The following NSMCE2 variants were observed in gnomAD, a reference collection of about 807,000 sequenced individuals.
NSMCE2 encodes the protein NSE2 SUMO ligase component of SMC5/6 complex.
In NSMCE2, 24 loss-of-function variants were observed where a neutral mutation model predicts 23.8. The ratio of observed to expected loss-of-function variants is 1.01; its 90% CI spans 0.73 to 1.42. The LOEUF is 1.42. NSMCE2 is among the 40% of genes most tolerant of loss of function. NSMCE2 has a pLI of 0.00. For synonymous variants in NSMCE2, 92 were observed against 94.1 expected (o/e 0.98, Z 0.13); for missense variants, 284 against 296.5 (o/e 0.96, Z 0.31).
chr8:125,304,829 A>G lies in NSMCE2; in HGVS notation c.419-52390A>G, dbSNP rs112489433. On this transcript the variant is annotated intron_variant, in intron 5 of 7. Coordinates refer to ENST00000287437, the MANE Select transcript of NSMCE2 (RefSeq NM_173685.4). ...CTTGAACCCTGGAGGCAGAGGTTAC[A>G]GTGAGCTGAGATCGTGCCACCTCAT... Among the ~76,000 whole-genome samples the G allele has an allele frequency of 9.1e-3, 1,380 of 151,308 alleles. 27 individuals are homozygous for G. Among genetic ancestry groups the G allele is most frequent in the African/African-American group, 0.03 (1,250 of 41,238 alleles).
At chr8:125,341,843 A>G (rs562545180) in intron 5 of NSMCE2, among the ~76,000 whole-genome samples, 2 of 146,172 alleles carry the variant, frequency 1.4e-5, no homozygotes, top group African/African-American at 2.5e-5. Context: ...TGAAGCCACC[A>G]AGGACCCTTT....
chr8:125,358,274 A>C (rs1245571974), intron 7 of NSMCE2, among the ~76,000 whole-genome samples: 1 of 151,828 alleles, frequency 6.6e-6, no homozygotes, highest in Non-Finnish European at 1.5e-5. Flanking sequence ...CAGAGGTTGC[A>C]GTGAGCCGAG....
intron 5 of NSMCE2, among the ~76,000 whole-genome samples, chr8:125,234,472 T>A (rs1229602590): frequency 1.3e-5 from 2 of 152,226 alleles, no homozygotes; most frequent in East Asian, 1.9e-4. Context: ...GAATCTTTCT[T>A]GCTCTGTAAT....
chr8:125,195,197 A>G (rs1430167405), intron 5 of NSMCE2, among the ~76,000 whole-genome samples: 2 of 152,094 alleles, frequency 1.3e-5, no homozygotes, highest in Non-Finnish European at 2.9e-5. Flanking sequence ...GTCAATATCA[A>G]CTGTGAACAT....
intron 5 of NSMCE2, among the ~76,000 whole-genome samples, chr8:125,277,051 A>G (rs1423444163): frequency 6.6e-6 from 1 of 152,206 alleles, no homozygotes; most frequent in Non-Finnish European, 1.5e-5. Context: ...TCTGCCTTGT[A>G]TCCTGTACTC....
intron 5 of NSMCE2, among the ~76,000 whole-genome samples, chr8:125,349,383 C>A (rs2891678): frequency 0.43 from 64,732 of 152,058 alleles, 16,648 homozygotes; most frequent in East Asian, 0.55. Flanking sequence ...GCATTTCAAG[C>A]AGGCAACAAA....
chr8:125,170,372 ATTTCTTTTTTTTTTTTTTT>A (rs1822122550), intron 4 of NSMCE2, among the ~76,000 whole-genome samples: 1 of 24,620 alleles, frequency 4.1e-5, no homozygotes, highest in Non-Finnish European at 9.4e-5. Flanking sequence ...CTTACTCTTT[ATTTCTTTTTTTTTTTTTTT>A]TTTTTTTTTT....
intron 5 of NSMCE2, 139 bp downstream of exon 5, chr8:125,182,395 T>C: frequency 2.7e-6 from 2 of 737,858 alleles, no homozygotes; most frequent in East Asian, 5.3e-5. Flanking sequence ...TTTATTGTTG[T>C]TGCAATTCTG....
intron 5 of NSMCE2, among the ~76,000 whole-genome samples, chr8:125,349,631 T>C (rs76618080): frequency 0.032 from 4,790 of 151,734 alleles, 158 homozygotes; most frequent in South Asian, 0.17. Flanking sequence ...TCCAGCCTAA[T>C]TGAAAAAGTA....
chr8:125,357,649 C>A, intron 6 of NSMCE2, 63 bp from the exon 7 acceptor site: 3 of 1,247,424 alleles, frequency 2.4e-6, no homozygotes, highest in Non-Finnish European at 3.5e-6. Context: ...AGGACTAGGA[C>A]GAAACAGCTA....
chr8:125,213,617 C>G (rs1824447640), intron 5 of NSMCE2, among the ~76,000 whole-genome samples: 1 of 141,128 alleles, frequency 7.1e-6, no homozygotes, highest in Non-Finnish European at 1.5e-5. Flanking sequence ...TTCCTCTTCT[C>G]TTATTTTCTC....
At chr8:125,245,098 A>G (rs556070939) in intron 5 of NSMCE2, among the ~76,000 whole-genome samples, 6 of 152,256 alleles carry the variant, frequency 3.9e-5, no homozygotes, top group African/African-American at 1.2e-4. Context: ...CCCGACCAAC[A>G]TGGTAAAACC....
intron 4 of NSMCE2, among the ~76,000 whole-genome samples, chr8:125,174,081 TG>T (rs1822355010): frequency 6.6e-6 from 1 of 152,192 alleles, no homozygotes. Context: ...TTAAAAAGAT[TG>T]CCTGTGAAAT....
chr8:125,294,707 G>A (rs956900765), intron 5 of NSMCE2, among the ~76,000 whole-genome samples: 4 of 152,172 alleles, frequency 2.6e-5, no homozygotes, highest in South Asian at 4.1e-4. Flanking sequence ...AGAATTATAC[G>A]TGAAAAAACA....
chr8:125,213,472 C>T (rs1346672255), intron 5 of NSMCE2, among the ~76,000 whole-genome samples: 1 of 148,734 alleles, frequency 6.7e-6, no homozygotes, highest in Non-Finnish European at 1.5e-5. Flanking sequence ...GGTAGTCTAC[C>T]TAAGGCACCC....
At chr8:125,223,252 G>T (rs1216302857) in intron 5 of NSMCE2, among the ~76,000 whole-genome samples, 1 of 151,814 alleles carries the variant, frequency 6.6e-6, no homozygotes, top group Non-Finnish European at 1.5e-5. Flanking sequence ...CAGCTACTTG[G>T]CAGGCTGAGG....
Position 125,097,888 on chromosome 8 carries a change from A to G in NSMCE2, c.-110-4163A>G, listed in dbSNP as rs536757251. 9.9e-5 allele frequency among the ~76,000 whole-genome samples: 15 copies of G among 152,246 alleles called. No homozygotes were observed. The South Asian group carries it at 2.9e-3, about 29-fold the overall frequency. The stretch of plus-strand genomic sequence containing the variant: ...TGTAGAAAGCTTTGGATACTGTGCT[A>G]ATTATGTTGAATTTTATTATATAGG... On this transcript the variant is annotated intron_variant, in intron 1 of 7. Transcript: ENST00000287437.
At chr8:125,156,154 GAGTTT>G (rs1240385279) in intron 4 of NSMCE2, 3 of 230,124 alleles carry the variant, frequency 1.3e-5, no homozygotes, top group Non-Finnish European at 2.7e-5. Context: ...TATAGTCTCA[GAGTTT>G]AGCAAAAGTA....
chr8:125,273,906 C>T (rs143684304), intron 5 of NSMCE2, among the ~76,000 whole-genome samples: 44 of 152,350 alleles, frequency 2.9e-4, no homozygotes, highest in Middle Eastern at 3.4e-3. Context: ...TGCATACCTC[C>T]TGCTGGGACC....
Sources: gnomAD v4.1 joint callset for allele counts (sites outside exome capture counted in the v4.1 genomes callset) on GRCh38, gnomAD v4.1.1 for gene constraint, MANE v1.5 for transcripts, NCBI Gene and HGNC (gene_info 2026-07-23, HGNC 2026-07-21) for gene names.